ADCY1: variants seen among roughly 807,000 people sequenced by gnomAD.
ADCY1 encodes adenylate cyclase 1.
ADCY1 carries 28 observed loss-of-function variants against 105.4 expected under a neutral mutation model. The ratio of observed to expected loss-of-function variants is 0.27; its 90% CI spans 0.20 to 0.36. The LOEUF (loss-of-function observed/expected upper bound fraction) is 0.36. ADCY1 is among the 10% of genes least tolerant of loss of function. ADCY1 has a pLI of 1.00. For missense variants in ADCY1, 977 were observed against 1,434.2 expected (o/e 0.68, Z 5.15); for synonymous variants, 655 against 623.8 (o/e 1.05, Z -0.75).
chr7:45,713,634 C>T (rs951703690), intron 19 of ADCY1, 59 bp from the exon 20 acceptor site: 1 of 735,240 alleles, frequency 1.4e-6, no homozygotes, highest in Non-Finnish European at 2.5e-6. Context: ...GTTTTGGTCT[C>T]TTCCCAGAGG....
chr7:45,606,790 C>T (rs1754121678), intron 2 of ADCY1, among the ~76,000 whole-genome samples: 1 of 152,056 alleles, frequency 6.6e-6, no homozygotes, highest in Non-Finnish European at 1.5e-5. Context: ...TTTTATATAG[C>T]CTTTATAGGA....
chr7:45,631,917 C>G (rs1445709618), intron 4 of ADCY1, among the ~76,000 whole-genome samples: 1 of 152,142 alleles, frequency 6.6e-6, no homozygotes, highest in Non-Finnish European at 1.5e-5. Context: ...CCTGTGTTTT[C>G]TTCTAGGGGT....
chr7:45,598,288 C>G (rs1452109381), intron 2 of ADCY1, among the ~76,000 whole-genome samples: 2 of 152,190 alleles, frequency 1.3e-5, no homozygotes, highest in Non-Finnish European at 2.9e-5. Flanking sequence ...TTCCTCCTTT[C>G]GTGGCCACAG....
chr7:45,597,323 ACT>A (rs1174796172), intron 2 of ADCY1, among the ~76,000 whole-genome samples: 1 of 151,998 alleles, frequency 6.6e-6, no homozygotes, highest in Non-Finnish European at 1.5e-5. Flanking sequence ...GCTCTTCTCC[ACT>A]CTGTTTACGC....
intron 2 of ADCY1, among the ~76,000 whole-genome samples, chr7:45,595,329 G>C (rs908747664): frequency 2.0e-5 from 3 of 152,176 alleles, no homozygotes; most frequent in Non-Finnish European, 2.9e-5. Context: ...GCCCAGGGGG[G>C]TTGGGGTTCT....
At position 45,652,429 on chromosome 7, in the gene ADCY1, A is replaced by C. The variant is rs747717712; in HGVS notation, c.1148+3632A>C. Among the ~76,000 whole-genome samples, 24 of 152,248 alleles carry C rather than the reference A, an allele frequency of 1.6e-4. 1 individual carries two copies. The highest frequency in any genetic ancestry group is 9.2e-4 in the Admixed American group (14 of 15,288). ...AGGCCAATGCTTTGCTGGTAGCACAAGAAAGAAATTGCTGCAGGTGCAGGC... is the reference window on the plus strand; with the variant it reads ...AGGCCAATGCTTTGCTGGTAGCACACGAAAGAAATTGCTGCAGGTGCAGGC... On this transcript the variant is annotated intron_variant, in intron 5 of 19. Coordinates refer to ENST00000297323, the MANE Select transcript of ADCY1 (RefSeq NM_021116.4).
rs1307264866 is a variant in ADCY1, at chr7:45,720,153, C to A, written c.*6158C>A. ...CTCTCTCAGCTGTGCAGTGGAAGAG[C>A]AACAACAGACAGGTGACCTTCTTGG... On this transcript the variant is annotated 3_prime_UTR_variant, in exon 20 of 20. Coordinates refer to ENST00000297323, the MANE Select transcript of ADCY1 (RefSeq NM_021116.4). 1 of 152,012 alleles carries A rather than the reference C, an allele frequency of 6.6e-6. No homozygotes were observed. Among genetic ancestry groups the A allele is most frequent in the Non-Finnish European group, 1.5e-5 (1 of 68,020 alleles). 9.4% of individuals were successfully genotyped at this position (152,012 alleles called of 1,614,324 possible).
At chr7:45,602,157 T>A (rs1250925930) in intron 2 of ADCY1, among the ~76,000 whole-genome samples, 2 of 151,714 alleles carry the variant, frequency 1.3e-5, no homozygotes, top group African/African-American at 4.8e-5. Context: ...GTATTACTTT[T>A]GGTAAGCGTG....
chr7:45,680,377 G>C (rs1186790726), intron 11 of ADCY1: 2 of 168,574 alleles, frequency 1.2e-5, no homozygotes, highest in Admixed American at 1.1e-4. Flanking sequence ...CGTGAGCTTT[G>C]CGGCCTTGTA....
chr7:45,657,784 C>T lies in ADCY1; in HGVS notation c.1206C>T (p.Gly402=). The T allele has an allele frequency of 6.2e-7, 1 of 1,613,982 alleles. No individual in the cohort carries two copies. The highest frequency in any genetic ancestry group is 8.5e-7 in the Non-Finnish European group (1 of 1,179,988). The change falls in exon 6 of 20, where the codon GGC becomes GGT. Residue 402 remains glycine, a synonymous_variant. Transcript: ENST00000297323. ...DLNMRVGLHT[G]RVLCGVLGLR... ...ACATGCGTGTGGGTCTGCACACGGG[C>T]AGGGTCCTCTGTGGTGTCCTGGGCT...
intron 8 of ADCY1, among the ~76,000 whole-genome samples, chr7:45,664,001 A>G (rs1795201382): frequency 6.6e-6 from 1 of 151,940 alleles, no homozygotes; most frequent in Non-Finnish European, 1.5e-5. Context: ...GTGGATGGAA[A>G]ATTTCTAAGA....
rs967458572 is a variant in ADCY1 at position 45,659,807 on chromosome 7, C to T, written c.1308-235C>T. ...TGCTCTCCCTCTGGCCCTGTGTCCCCCACCTCAGCCATCCCTGCTGTCCTG... is the reference window on the plus strand; with the variant it reads ...TGCTCTCCCTCTGGCCCTGTGTCCCTCACCTCAGCCATCCCTGCTGTCCTG... On this transcript the variant is annotated intron_variant, in intron 6 of 19. Transcript: ENST00000297323. Among the ~76,000 whole-genome samples the T allele has an allele frequency of 1.3e-5, 2 of 152,216 alleles. 1 individual carries two copies. The highest frequency in any genetic ancestry group is 4.1e-4 in the South Asian group (2 of 4,836).
intron 4 of ADCY1, among the ~76,000 whole-genome samples, chr7:45,633,599 C>T (rs181339425): frequency 0.013 from 1,922 of 152,128 alleles, 24 homozygotes; most frequent in South Asian, 0.059. Context: ...ATCAAGAGAT[C>T]GAGACCATTC....
At chr7:45,683,887 G>A (rs1304595094) in intron 11 of ADCY1, among the ~76,000 whole-genome samples, 1 of 152,236 alleles carries the variant, frequency 6.6e-6, no homozygotes, top group South Asian at 2.1e-4. Context: ...CCAGGCCTGT[G>A]GTATGGCTCC....
At chr7:45,664,985 G>A (rs1795232182) in intron 8 of ADCY1, among the ~76,000 whole-genome samples, 1 of 152,074 alleles carries the variant, frequency 6.6e-6, no homozygotes, top group African/African-American at 2.4e-5. Flanking sequence ...CTGTATCCAT[G>A]TATTCTCATT....
chr7:45,574,260 G>GC, upstream of ADCY1: 2 of 532,176 alleles, frequency 3.8e-6, no homozygotes, highest in Non-Finnish European at 4.8e-6. This position sits in a 1 kb window ranked among gnomAD's most constrained non-coding sequence, Gnocchi z 7.0. Flanking sequence ...GGCTGTGCGC[G>GC]CCCAGGTTCG....
chr7:45,595,364 C>G (rs892367629), intron 2 of ADCY1, among the ~76,000 whole-genome samples: 6 of 152,170 alleles, frequency 3.9e-5, no homozygotes, highest in Non-Finnish European at 1.5e-5. Context: ...CAGTCCCTGT[C>G]TTTCTCCCGT....
Position 45,596,445 on chromosome 7 carries a change from G to T in ADCY1, c.789+3537G>T, listed in dbSNP as rs568313012. ...TCTGGGTGTGGACACACCCCAGTCTGGGAGGGCTTCTGGGTGGATGGATGT... is the reference window on the plus strand; with the variant it reads ...TCTGGGTGTGGACACACCCCAGTCTTGGAGGGCTTCTGGGTGGATGGATGT... On this transcript the variant is annotated intron_variant, in intron 2 of 19. Coordinates refer to ENST00000297323, the MANE Select transcript of ADCY1 (RefSeq NM_021116.4). 7.1e-4 allele frequency among the ~76,000 whole-genome samples: 108 copies of T among 152,280 alleles called. 1 individual carries two copies. The highest frequency in any genetic ancestry group is 4.9e-3 in the Admixed American group (75 of 15,294).
rs568560081 is a variant in ADCY1 at position 45,575,307 on chromosome 7, G to A, written c.639+125G>A. 2.3e-5 allele frequency: 29 copies of A among 1,266,728 alleles called. 1 individual carries two copies. The South Asian group carries it at 3.9e-4, about 17-fold the overall frequency. 78.5% of individuals were successfully genotyped at this position (1,266,728 alleles called of 1,614,324 possible). On this transcript the variant is annotated intron_variant, in intron 1 of 19. Coordinates refer to ENST00000297323, the MANE Select transcript of ADCY1 (RefSeq NM_021116.4). The surrounding 1 kb of genome is among the most constrained non-coding windows in gnomAD (Gnocchi z 4.7). ...TGGGGACACTGAGGCTCCGAGTGGG[G>A]GTGTGTTCAAGGTCACTCCTACGAG... is the stretch of plus-strand genomic sequence containing the variant.
Sources: gnomAD v4.1 joint callset for allele counts (sites outside exome capture counted in the v4.1 genomes callset) on GRCh38, gnomAD v4.1.1 for gene constraint, Gnocchi (gnomAD v3.1) non-coding constraint, MANE v1.5 for transcripts, NCBI Gene and HGNC (gene_info 2026-07-23, HGNC 2026-07-21) for gene names.